SHROOM4: variants seen among roughly 807,000 people sequenced by gnomAD.
SHROOM4 encodes the protein protein Shroom4.
Under a neutral mutation model 80.3 loss-of-function variants are expected in SHROOM4, and 17 were observed. That is an observed-to-expected ratio of 0.21 (90% CI 0.14 to 0.32). The LOEUF is 0.32. Among genes scored for constraint, SHROOM4 ranks in the 10% least tolerant of loss-of-function variants. The probability of loss-of-function intolerance (pLI) is 1.00; values close to 1 mark genes in which losing one functional copy is unlikely to be tolerated. For missense variants in SHROOM4, 993 were observed against 1,140.3 expected, an observed-to-expected ratio of 0.87 and a Z score of 1.86; for synonymous variants, 400 against 437.5, an observed-to-expected ratio of 0.91 and a Z score of 1.07.
At chrX:50,617,630 C>A (rs1022468637) in intron 5 of SHROOM4, among the ~76,000 whole-genome samples, 1 of 86,186 alleles carries the variant, frequency 1.2e-5, no homozygotes, top group African/African-American at 4.2e-5. Flanking sequence ...AATCCCCCCC[C>A]CCACCCCATC....
chrX:50,699,297 G>A (rs1412435272), intron 1 of SHROOM4, among the ~76,000 whole-genome samples: 3 of 112,060 alleles, frequency 2.7e-5, no homozygotes, highest in African/African-American at 6.5e-5. Context: ...GCTAGGAAGA[G>A]CTGATTGACT....
chrX:50,675,080 C>T (rs1338660302), intron 2 of SHROOM4, among the ~76,000 whole-genome samples: 1 of 111,505 alleles, frequency 9.0e-6, no homozygotes, highest in Non-Finnish European at 1.9e-5. Flanking sequence ...ATTCAGGGAA[C>T]GGTTAATATG....
At chrX:50,710,602 C>A (rs1460418598) in intron 1 of SHROOM4, among the ~76,000 whole-genome samples, 2 of 111,277 alleles carry the variant, frequency 1.8e-5, no homozygotes, top group African/African-American at 6.5e-5. Flanking sequence ...GTACCCTGAA[C>A]GTCAGCATCA....
chrX:50,585,416 T>TA (rs1347469819), downstream of SHROOM4, among the ~76,000 whole-genome samples: 21 of 110,471 alleles, frequency 1.9e-4, 2 homozygotes, highest in Admixed American at 1.9e-3. Flanking sequence ...TTTGAGTGTA[T>TA]AGAGGGATGA....
At chrX:50,660,495 G>T (rs1007014518) in intron 2 of SHROOM4, among the ~76,000 whole-genome samples, 26 of 103,295 alleles carry the variant, frequency 2.5e-4, no homozygotes, top group Admixed American at 5.2e-4. Context: ...TGCTTTAATT[G>T]TAAGTGTTGA....
intron 5 of SHROOM4, among the ~76,000 whole-genome samples, chrX:50,608,654 C>T (rs1194304410): frequency 2.7e-5 from 3 of 111,983 alleles, no homozygotes; most frequent in Non-Finnish European, 5.6e-5. Flanking sequence ...GTTATCCTGC[C>T]TCATCTGTTG....
At chrX:50,657,193 T>C (rs1557259537) in intron 2 of SHROOM4, among the ~76,000 whole-genome samples, 1 of 111,888 alleles carries the variant, frequency 8.9e-6, no homozygotes, top group African/African-American at 3.2e-5. Context: ...TCATGTCACC[T>C]ACAAATAAAG....
At chrX:50,793,884 T>C (rs1361694763) in intron 1 of SHROOM4, among the ~76,000 whole-genome samples, 2 of 110,001 alleles carry the variant, frequency 1.8e-5, no homozygotes, top group Non-Finnish European at 3.8e-5. Context: ...GTCATAACCA[T>C]TATACAAGAA....
In SHROOM4 at chrX:50,607,407, C is replaced by T. The variant is rs889716909; in HGVS notation, c.3735G>A (p.Ser1245=). Residue 1245 remains serine, a synonymous_variant, in exon 6 of 9, where the codon TCG becomes TCA. Transcript: ENST00000376020. ...TGGCGGATTCAGTGGCTTCCTGTCC[C>T]GATGTCCTCCAAAGCCCACCAATGC... ...YYGIGGLWRT[S]GQEATESAKQ... is the part of the protein sequence containing the mutation. 5 of 1,209,158 alleles carry T rather than the reference C, an allele frequency of 4.1e-6. No homozygotes were observed. Among genetic ancestry groups the T allele is most frequent in the Non-Finnish European group, 5.6e-6 (5 of 895,087 alleles).
intron 1 of SHROOM4, among the ~76,000 whole-genome samples, chrX:50,787,142 C>G (rs1935758335): frequency 9.1e-6 from 1 of 109,579 alleles, no homozygotes; most frequent in African/African-American, 3.3e-5. Flanking sequence ...TCACGTGAGC[C>G]CAGGATTTTG....
At chrX:50,613,780 G>A (rs1930100516) in intron 5 of SHROOM4, among the ~76,000 whole-genome samples, 1 of 112,135 alleles carries the variant, frequency 8.9e-6, no homozygotes, top group Non-Finnish European at 1.9e-5. Context: ...TCAACAGACT[G>A]CATTTTGGAA....
intron 1 of SHROOM4, among the ~76,000 whole-genome samples, chrX:50,736,644 C>T (rs1424022751): frequency 1.8e-5 from 2 of 112,118 alleles, no homozygotes; most frequent in Non-Finnish European, 3.8e-5. Context: ...TCCAGTCTAT[C>T]GCTGATGGGC....
chrX:50,592,293 C>G lies in SHROOM4; in HGVS notation c.*4402G>C. Reference sequence around the variant, plus strand: ...CTAGTTAAAATTCAGACTGCTATCACTGGGTTTGGGGTGGGCCTGGGATTC... The same window carrying G: ...CTAGTTAAAATTCAGACTGCTATCAGTGGGTTTGGGGTGGGCCTGGGATTC... On this transcript the variant is annotated 3_prime_UTR_variant, in exon 9 of 9. Coordinates refer to ENST00000376020, the MANE Select transcript of SHROOM4 (RefSeq NM_020717.5). 3.4e-6 allele frequency: 1 copy of G among 294,783 alleles called. No homozygotes were observed. Among genetic ancestry groups the G allele is most frequent in the Non-Finnish European group, 6.6e-6 (1 of 151,406 alleles). The allele number at this position is 294,783 out of a possible 1,213,427, so 24.3% of individuals were successfully genotyped here. A position where few individuals can be genotyped will look rare whatever the true frequency, so the allele number is the denominator to read the frequency against.
At chrX:50,782,200 T>C (rs1288312486) in intron 1 of SHROOM4, among the ~76,000 whole-genome samples, 1 of 108,471 alleles carries the variant, frequency 9.2e-6, no homozygotes, top group East Asian at 2.9e-4. Flanking sequence ...AGAGTGAGAA[T>C]ACATCTCAAA....
At chrX:50,686,946 T>C (rs1242077497) in intron 2 of SHROOM4, 1 of 112,315 alleles carries the variant, frequency 8.9e-6, no homozygotes, top group Non-Finnish European at 1.9e-5. Context: ...TGAACCCATA[T>C]ACCATTCATT....
At chrX:50,597,987 C>T (rs371853827) in intron 8 of SHROOM4, among the ~76,000 whole-genome samples, 9 of 110,946 alleles carry the variant, frequency 8.1e-5, no homozygotes, top group African/African-American at 3.0e-4. Context: ...TATAGGCATG[C>T]GCCACCCTGC....
intron 2 of SHROOM4, among the ~76,000 whole-genome samples, chrX:50,682,550 G>T (rs782773865): frequency 8.9e-6 from 1 of 111,763 alleles, no homozygotes; most frequent in South Asian, 3.8e-4. Context: ...AAGTAAACAG[G>T]CTGTTACGAT....
rs1933256099 is a variant in SHROOM4 at position 50,692,830 on chromosome X, T to C, written c.269+2956A>G. Among the ~76,000 whole-genome samples, 4 of 111,964 alleles carry C rather than the reference T, an allele frequency of 3.6e-5. No homozygotes were observed. In the Admixed American group the frequency reaches 3.8e-4, roughly 11 times the overall value. On this transcript the variant is annotated intron_variant, in intron 2 of 8. Transcript: ENST00000376020. ...TCATTCTTCCTAGGTCCAAAGCCTTTCTCCTTAAATATTCTCTCTTCAGGA... is the reference window on the plus strand; with the variant it reads ...TCATTCTTCCTAGGTCCAAAGCCTTCCTCCTTAAATATTCTCTCTTCAGGA...
chrX:50,761,914 T>C (rs369546126), intron 1 of SHROOM4, among the ~76,000 whole-genome samples: 1 of 111,907 alleles, frequency 8.9e-6, no homozygotes, highest in East Asian at 2.8e-4. Context: ...GCCTCCTTTT[T>C]AATGGAGTTG....
Sources: gnomAD v4.1 joint callset for allele counts (sites outside exome capture counted in the v4.1 genomes callset) on GRCh38, gnomAD v4.1.1 for gene constraint, MANE v1.5 for transcripts, NCBI Gene and HGNC (gene_info 2026-07-23, HGNC 2026-07-21) for gene names.